Variants in PADI4 observed in about 807,000 individuals in gnomAD.
The protein encoded by PADI4 is protein-arginine deiminase type-4.
Under a neutral mutation model 75.0 loss-of-function variants are expected in PADI4, and 62 were observed. The ratio of observed to expected loss-of-function variants is 0.83; its 90% CI spans 0.67 to 1.02. The LOEUF is 1.02. PADI4 is among the 50% of genes least tolerant of loss of function. PADI4 has a pLI of 0.00. For missense variants in PADI4, 845 were observed against 850.5 expected (o/e 0.99, Z 0.08); for synonymous variants, 361 against 348.1 (o/e 1.04, Z -0.41).
rs754228701 is a variant in PADI4 at position 17,346,148 on chromosome 1, C to T, written c.1047+9C>T. 6.4e-7 allele frequency: 1 copy of T among 1,572,818 alleles called. No homozygotes were observed. The highest frequency in any genetic ancestry group is 1.7e-5 in the Admixed American group (1 of 59,874). On this transcript the variant is annotated intron_variant, in intron 9 of 15. Transcript: ENST00000375448. The surrounding 1 kb of genome is among the most constrained non-coding windows in gnomAD (Gnocchi z 4.3). ...ATGACCAGTGGATGCAGGTATGTGC[C>T]CTGCGGGGCAGGCAGGGTGACTGTC... is the stretch of plus-strand genomic sequence containing the variant.
At chr1:17,339,570 A>G in intron 5 of PADI4, 118 bp from the exon 6 acceptor site, 1 of 965,726 alleles carries the variant, frequency 1.0e-6, no homozygotes, top group Non-Finnish European at 1.6e-6. Flanking sequence ...GCAACATGGT[A>G]AAGGGAGGTC....
chr1:17,328,849 T>C (rs2074157859), intron 1 of PADI4, among the ~76,000 whole-genome samples: 1 of 152,012 alleles, frequency 6.6e-6, no homozygotes, highest in Non-Finnish European at 1.5e-5. Flanking sequence ...ATTTTATTTG[T>C]TCACGATTCT....
intron 1 of PADI4, among the ~76,000 whole-genome samples, chr1:17,318,278 AC>A (rs1328813792): frequency 1.3e-5 from 2 of 151,352 alleles, no homozygotes; most frequent in Non-Finnish European, 3.0e-5. Flanking sequence ...GAGGACCCAG[AC>A]CTGCCATTAT....
At position 17,356,576 on chromosome 1, in the gene PADI4, C is replaced by A; in HGVS notation, c.1558+117C>A. The A allele has an allele frequency of 1.5e-6, 1 of 656,770 alleles. No homozygotes were observed. The highest frequency in any genetic ancestry group is 2.7e-6 in the Non-Finnish European group (1 of 365,382). The allele number at this position is 656,770 out of a possible 1,614,324, so 40.7% of individuals were successfully genotyped here. On this transcript the variant is annotated intron_variant, in intron 13 of 15. Coordinates refer to ENST00000375448, the MANE Select transcript of PADI4 (RefSeq NM_012387.3). This position sits in a 1 kb window ranked among gnomAD's most constrained non-coding sequence, Gnocchi z 4.1. Reference sequence around the variant, plus strand: ...TAGCATCTGAGCACCTACTGTGCGCCAGGCACTGTGCCAAGTGCTAGGGAG... The same window carrying A: ...TAGCATCTGAGCACCTACTGTGCGCAAGGCACTGTGCCAAGTGCTAGGGAG...
intron 15 of PADI4, among the ~76,000 whole-genome samples, chr1:17,362,730 A>G (rs1014322216): frequency 6.6e-6 from 1 of 152,234 alleles, no homozygotes; most frequent in Non-Finnish European, 1.5e-5. Flanking sequence ...CTTGGAGTCT[A>G]ATAGCTGTAG....
intron 1 of PADI4, among the ~76,000 whole-genome samples, chr1:17,319,534 G>A (rs1422311102): frequency 6.6e-6 from 1 of 152,138 alleles, no homozygotes; most frequent in African/African-American, 2.4e-5. Context: ...AAAAAAGAGA[G>A]AGAGAGACAT....
At position 17,338,066 on chromosome 1, in the gene PADI4, A is replaced by G. The variant is rs1396688828; in HGVS notation, c.437A>G (p.Gln146Arg). The G allele has an allele frequency of 1.9e-6, 3 of 1,613,576 alleles. No homozygotes were observed. The highest frequency in any genetic ancestry group is 2.5e-6 in the Non-Finnish European group (3 of 1,179,544). Residue 146 changes from glutamine to arginine, a missense_variant, in exon 5 of 16, where the codon CAG (glutamine) becomes CGG (arginine). Coordinates refer to ENST00000375448, the MANE Select transcript of PADI4 (RefSeq NM_012387.3). ...QRTWTWGPCGQGAILLVNCDR... is the reference protein window; with the variant it reads ...QRTWTWGPCGRGAILLVNCDR... ...ACCTGGACCTGGGGCCCTTGTGGAC[A>G]GGGTGCCATCCTGCTGGTGAACTGT...
chr1:17,352,192 G>GA (rs1273398771), intron 10 of PADI4, among the ~76,000 whole-genome samples: 4 of 117,906 alleles, frequency 3.4e-5, no homozygotes, highest in East Asian at 2.2e-4. Context: ...GGCGGTCAGG[G>GA]AGGAGATGGG....
intron 5 of PADI4, among the ~76,000 whole-genome samples, chr1:17,338,567 A>T (rs1218219742): frequency 6.6e-6 from 1 of 152,236 alleles, no homozygotes; most frequent in Non-Finnish European, 1.5e-5. Flanking sequence ...TGATTAACTC[A>T]TCTGATCTTC....
intron 10 of PADI4, among the ~76,000 whole-genome samples, chr1:17,352,042 A>T (rs375246341): frequency 0.012 from 854 of 73,554 alleles, 65 homozygotes; most frequent in Middle Eastern, 0.05. Context: ...ATGGGAGGAG[A>T]GGCAGTCAGG....
intron 2 of PADI4, among the ~76,000 whole-genome samples, chr1:17,333,357 C>T (rs571539209): frequency 3.0e-4 from 45 of 152,142 alleles, no homozygotes; most frequent in South Asian, 4.1e-4. Flanking sequence ...AACTCCCCAC[C>T]GCCATTTTGC....
intron 1 of PADI4, among the ~76,000 whole-genome samples, chr1:17,316,645 G>A (rs36142431): frequency 0.016 from 2,407 of 149,508 alleles, 34 homozygotes; most frequent in Non-Finnish European, 0.024. Flanking sequence ...AGCCAAGATC[G>A]CACCACTGCA....
intron 1 of PADI4, among the ~76,000 whole-genome samples, chr1:17,319,522 T>TA (rs976901863): frequency 3.3e-5 from 5 of 151,946 alleles, no homozygotes; most frequent in Admixed American, 3.3e-4. Flanking sequence ...GCACTGTGCT[T>TA]AAAAAAAGAG....
rs2074651404 is a variant in PADI4 at position 17,352,018 on chromosome 1, CGGCCAGGGAGGTGAT to C, written c.1156-2512_1156-2498del. ...GTCAGGGAGGTGATGGGAGGAGAGG[CGGCCAGGGAGGTGAT>C]GGGAGGAGAGGCAGTCAGGGAGGTG... On this transcript the variant is annotated intron_variant, in intron 10 of 15. Coordinates refer to ENST00000375448, the MANE Select transcript of PADI4 (RefSeq NM_012387.3). 7.9e-4 allele frequency among the ~76,000 whole-genome samples: 8 copies of C among 10,096 alleles called. No individual in the cohort carries two copies. The Admixed American group carries it at 9.0e-3, about 11-fold the overall frequency. 6.6% of individuals were successfully genotyped at this position (10,096 alleles called of 152,430 possible).
At chr1:17,338,932 C>T (rs34385095) in intron 5 of PADI4, among the ~76,000 whole-genome samples, 2,439 of 152,312 alleles carry the variant, frequency 0.016, 34 homozygotes, top group Non-Finnish European at 0.024. Context: ...AGGGGACAGC[C>T]TCTGTACAGT....
intron 1 of PADI4, among the ~76,000 whole-genome samples, chr1:17,316,458 G>A (rs1306961344): frequency 6.6e-6 from 1 of 151,468 alleles, no homozygotes; most frequent in Non-Finnish European, 1.5e-5. Flanking sequence ...GGGAGGCTGA[G>A]GTGGGCAGAT....
intron 15 of PADI4, among the ~76,000 whole-genome samples, chr1:17,363,175 GT>G (rs2074870550): frequency 6.6e-6 from 1 of 152,162 alleles, no homozygotes; most frequent in Non-Finnish European, 1.5e-5. Context: ...CTGGAGTGCA[GT>G]GGCACAATCA....
At chr1:17,358,979 T>C in intron 14 of PADI4, 71 bp downstream of exon 14, 1 of 1,034,102 alleles carries the variant, frequency 9.7e-7, no homozygotes, top group African/African-American at 1.6e-5. Context: ...TTCCCAGTGA[T>C]TAGAGGCACA....
intron 13 of PADI4, among the ~76,000 whole-genome samples, chr1:17,357,592 T>G (rs1447969165): frequency 6.6e-6 from 1 of 152,240 alleles, no homozygotes; most frequent in African/African-American, 2.4e-5. Context: ...TAGATATTTT[T>G]AATGTTGTCT....
Sources: allele counts gnomAD v4.1 joint callset (sites outside exome capture counted in the v4.1 genomes callset), GRCh38; gene constraint gnomAD v4.1.1; non-coding constraint Gnocchi (gnomAD v3.1); transcripts MANE v1.5; gene names NCBI Gene and HGNC (gene_info 2026-07-23, HGNC 2026-07-21).